The following CCDC12 variants were observed in gnomAD, a reference collection of about 807,000 sequenced individuals.
CCDC12 encodes the protein coiled-coil domain-containing protein 12.
In CCDC12, 28 loss-of-function variants were observed where a neutral mutation model predicts 25.7. The ratio of observed to expected loss-of-function variants is 1.09; its 90% confidence interval spans 0.81 to 1.50. The LOEUF (loss-of-function observed/expected upper bound fraction) is 1.50, where lower values mean the gene tolerates loss of function less well. Ranked by LOEUF, CCDC12 falls within the 40% of genes most tolerant of loss-of-function variation. The pLI, the probability that CCDC12 is intolerant of heterozygous loss-of-function variation, is 0.00. For synonymous variants in CCDC12, 75 were observed against 87.7 expected (o/e 0.86, Z 0.81); for missense variants, 198 against 210.0 (o/e 0.94, Z 0.35).
chr3:46,962,048 T>C (rs141527740), intron 1 of CCDC12, among the ~76,000 whole-genome samples: 1 of 152,174 alleles, frequency 6.6e-6, no homozygotes, highest in Non-Finnish European at 1.5e-5. Flanking sequence ...TCTAGACCTA[T>C]ATGTAGGCAA....
chr3:46,926,772 T>A (rs949694238), intron 2 of CCDC12, among the ~76,000 whole-genome samples: 1 of 152,084 alleles, frequency 6.6e-6, no homozygotes, highest in Non-Finnish European at 1.5e-5. Flanking sequence ...TCCTCCTCCT[T>A]CCCCAGTACC....
At chr3:46,970,679 T>G (rs375729131) in intron 1 of CCDC12, among the ~76,000 whole-genome samples, 1 of 152,172 alleles carries the variant, frequency 6.6e-6, no homozygotes, top group Non-Finnish European at 1.5e-5. Context: ...GACAGCCCAA[T>G]TCAGGGCAAT....
At chr3:46,944,706 T>C (rs781208439) in intron 1 of CCDC12, among the ~76,000 whole-genome samples, 8 of 151,398 alleles carry the variant, frequency 5.3e-5, no homozygotes, top group Non-Finnish European at 1.2e-4. Flanking sequence ...CCCTCTACTC[T>C]GGAGAATACA....
chr3:46,924,310 A>G (rs1210582814), intron 3 of CCDC12, among the ~76,000 whole-genome samples: 1 of 152,118 alleles, frequency 6.6e-6, no homozygotes, highest in Non-Finnish European at 1.5e-5. Flanking sequence ...GATACAGATG[A>G]GAGTTGAGGG....
intron 1 of CCDC12, among the ~76,000 whole-genome samples, chr3:46,943,165 G>A (rs1355787335): frequency 1.3e-5 from 2 of 152,182 alleles, no homozygotes; most frequent in Non-Finnish European, 2.9e-5. Flanking sequence ...GGAGAACAGA[G>A]TATAAATGCT....
chr3:46,924,937 G>T, intron 3 of CCDC12: 1 of 238,624 alleles, frequency 4.2e-6, no homozygotes, highest in Non-Finnish European at 8.5e-6. Context: ...TGGTGTGGAC[G>T]GCCAGAAGCT....
intron 2 of CCDC12, among the ~76,000 whole-genome samples, chr3:46,930,031 CAA>C (rs145507739): frequency 2.3e-4 from 9 of 39,870 alleles, no homozygotes; most frequent in African/African-American, 3.9e-4. Flanking sequence ...GACCCCATCT[CAA>C]AAAAAAAAAA....
At chr3:46,932,189 T>C (rs2033255493) in intron 2 of CCDC12, among the ~76,000 whole-genome samples, 1 of 152,102 alleles carries the variant, frequency 6.6e-6, no homozygotes. Flanking sequence ...TCCATAGAAA[T>C]AGTAACAAGA....
intron 1 of CCDC12, among the ~76,000 whole-genome samples, chr3:46,971,813 C>T (rs2034810425): frequency 6.6e-6 from 1 of 152,190 alleles, no homozygotes; most frequent in South Asian, 2.1e-4. Flanking sequence ...CAGACAGGTG[C>T]TCTCCAAGTG....
At chr3:46,964,777 A>G (rs997470225) in intron 1 of CCDC12, among the ~76,000 whole-genome samples, 1 of 151,662 alleles carries the variant, frequency 6.6e-6, no homozygotes, top group African/African-American at 2.4e-5. Flanking sequence ...AGTCATTACC[A>G]CTCCCTAATC....
upstream of CCDC12, chr3:46,979,622 G>T (rs2035158206): frequency 6.7e-6 from 2 of 300,486 alleles, no homozygotes; most frequent in South Asian, 1.6e-4. Flanking sequence ...GAGGCGGGGC[G>T]GCGGTGACTG....
At chr3:46,951,623 A>G (rs1173176441) in intron 1 of CCDC12, among the ~76,000 whole-genome samples, 2 of 148,738 alleles carry the variant, frequency 1.3e-5, no homozygotes, top group African/African-American at 5.0e-5. Context: ...TACTAAAAAT[A>G]CAGAAAATTA....
chr3:46,956,933 G>A lies in CCDC12; in HGVS notation c.97-15868C>T, dbSNP rs376790841. On this transcript the variant is annotated intron_variant, in intron 1 of 6. Coordinates refer to ENST00000683445, the MANE Select transcript of CCDC12 (RefSeq NM_001277074.2). ...AGGGGAGAAGCCAGGGCCAGACCTC[G>A]GGTCTCGACCTCAAGTAGACTGGTG... Among the ~76,000 whole-genome samples, 11 of 152,102 alleles carry A rather than the reference G, an allele frequency of 7.2e-5. No homozygotes were observed. In the East Asian group the frequency reaches 1.2e-3, roughly 16 times the overall value.
At chr3:46,922,726 C>T (rs777439962) in intron 5 of CCDC12, 1 of 269,394 alleles carries the variant, frequency 3.7e-6, no homozygotes, top group Non-Finnish European at 7.2e-6. Context: ...AGCCCATTCT[C>T]TCTGGCTCTG....
upstream of CCDC12, among the ~76,000 whole-genome samples, chr3:46,980,924 G>T (rs2035285999): frequency 6.6e-6 from 1 of 152,184 alleles, no homozygotes; most frequent in Non-Finnish European, 1.5e-5. Context: ...TGAACAGTTT[G>T]TCAGTGGGGG....
At chr3:46,966,523 AAAAG>A (rs538285227) in intron 1 of CCDC12, among the ~76,000 whole-genome samples, 208 of 151,758 alleles carry the variant, frequency 1.4e-3, no homozygotes, top group East Asian at 5.8e-3. Flanking sequence ...CTCAAAAAAA[AAAAG>A]AAAGAAAGAA....
At position 46,941,146 on chromosome 3, in the gene CCDC12, G is replaced by C. The variant is rs1383177526; in HGVS notation, c.97-81C>G. ...ACGTGGCCCAGGGAGCTAAAGAACA[G>C]GACATCTCAGAAGGGGGGCACCTGG... On this transcript the variant is annotated intron_variant, in intron 1 of 6. Coordinates refer to ENST00000683445, the MANE Select transcript of CCDC12 (RefSeq NM_001277074.2). 4 of 1,375,010 alleles carry C rather than the reference G, an allele frequency of 2.9e-6. No individual in the cohort carries two copies. The African/African-American group carries it at 4.3e-5, about 15-fold the overall frequency. The allele number at this position is 1,375,010 out of a possible 1,614,324, so 85.2% of individuals were successfully genotyped here.
intron 1 of CCDC12, among the ~76,000 whole-genome samples, chr3:46,943,457 TCCCCACACTGGGCTAGTGGGGCAAGAC>T (rs2033792144): frequency 6.6e-6 from 1 of 152,154 alleles, no homozygotes; most frequent in African/African-American, 2.4e-5. Context: ...GGCTCTTCTT[TCCCCACACTGGGCTAGTGGGGCAAGAC>T]CCCCAGCCAC....
intron 4 of CCDC12, 57 bp downstream of exon 4, chr3:46,923,550 G>A (rs910911737): frequency 1.7e-5 from 26 of 1,559,020 alleles, no homozygotes; most frequent in African/African-American, 1.4e-4. Flanking sequence ...AGCAAGTGGC[G>A]AAGAGAAACA....
Sources: allele counts gnomAD v4.1 joint callset (sites outside exome capture counted in the v4.1 genomes callset), GRCh38; gene constraint gnomAD v4.1.1; transcripts MANE v1.5; gene names NCBI Gene and HGNC (gene_info 2026-07-23, HGNC 2026-07-21).